The following L3MBTL4 variants were observed in gnomAD, a reference collection of about 807,000 sequenced individuals.
L3MBTL4 encodes L3MBTL histone methyl-lysine binding protein 4, also known as lethal(3)malignant brain tumor-like protein 4.
Under a neutral mutation model 84.5 loss-of-function variants are expected in L3MBTL4, and 70 were observed. That is an observed-to-expected ratio of 0.83 (90% CI 0.68 to 1.01). L3MBTL4 has a LOEUF of 1.01. Among genes scored for constraint, L3MBTL4 ranks in the 50% least tolerant of loss-of-function variants. L3MBTL4 has a pLI of 0.00. For synonymous variants in L3MBTL4, 274 were observed against 259.8 expected (o/e 1.05, Z -0.52); for missense variants, 715 against 754.8 (o/e 0.95, Z 0.62).
intron 13 of L3MBTL4, among the ~76,000 whole-genome samples, chr18:6,140,360 C>T (rs570096174): frequency 5.9e-5 from 9 of 152,290 alleles, no homozygotes; most frequent in Non-Finnish European, 8.8e-5. Context: ...GGCTGTGGCG[C>T]GAAGGTGGGA....
At chr18:6,200,127 G>T (rs1041484625) in intron 12 of L3MBTL4, among the ~76,000 whole-genome samples, 1 of 152,246 alleles carries the variant, frequency 6.6e-6, no homozygotes, top group African/African-American at 2.4e-5. Flanking sequence ...GAAGGCAGCA[G>T]CAAAGCACAG....
chr18:6,391,557 A>G (rs1472986329), intron 1 of L3MBTL4, among the ~76,000 whole-genome samples: 2 of 152,136 alleles, frequency 1.3e-5, no homozygotes, highest in African/African-American at 2.4e-5. Context: ...CTGTTCACCT[A>G]TGATATGATC....
At chr18:6,060,700 G>T (rs116223925) in intron 16 of L3MBTL4, among the ~76,000 whole-genome samples, 1,645 of 152,138 alleles carry the variant, frequency 0.011, 34 homozygotes, top group African/African-American at 0.037. Context: ...TGCTATCTCT[G>T]TAGCTTTGTC....
At chr18:6,291,010 A>G (rs2049841438) in intron 4 of L3MBTL4, among the ~76,000 whole-genome samples, 1 of 152,192 alleles carries the variant, frequency 6.6e-6, no homozygotes. Flanking sequence ...GGCCACACAG[A>G]AAGTTCACCA....
chr18:6,382,575 C>T (rs894952258), intron 1 of L3MBTL4, among the ~76,000 whole-genome samples: 1 of 152,214 alleles, frequency 6.6e-6, no homozygotes, highest in African/African-American at 2.4e-5. Flanking sequence ...GGCCCCTCTG[C>T]TGCAGGTCTG....
chr18:6,271,968 G>A (rs2048890415), intron 4 of L3MBTL4, among the ~76,000 whole-genome samples: 2 of 152,234 alleles, frequency 1.3e-5, no homozygotes, highest in Admixed American at 6.5e-5. Flanking sequence ...AGAGGTCAAA[G>A]CGTGAAAGGA....
intron 16 of L3MBTL4, among the ~76,000 whole-genome samples, chr18:6,077,591 C>T (rs1246058882): frequency 6.6e-6 from 1 of 151,748 alleles, no homozygotes; most frequent in African/African-American, 2.4e-5. Flanking sequence ...AAATGGAAAA[C>T]ATGCCCAAGA....
intron 1 of L3MBTL4, among the ~76,000 whole-genome samples, chr18:6,362,512 C>A (rs2053752686): frequency 6.6e-6 from 1 of 152,140 alleles, no homozygotes; most frequent in South Asian, 2.1e-4. Context: ...AGGATGGCTA[C>A]CTTCATTTAT....
At chr18:6,054,947 A>G (rs1368390099) in intron 16 of L3MBTL4, among the ~76,000 whole-genome samples, 1 of 152,184 alleles carries the variant, frequency 6.6e-6, no homozygotes, top group African/African-American at 2.4e-5. Flanking sequence ...GTTATTCCAC[A>G]TGAATCCACT....
At chr18:6,163,611 C>T (rs2043477333) in intron 13 of L3MBTL4, among the ~76,000 whole-genome samples, 2 of 152,110 alleles carry the variant, frequency 1.3e-5, no homozygotes, top group Non-Finnish European at 2.9e-5. Flanking sequence ...ACTGTAATTA[C>T]CTGTCTGTGA....
chr18:6,330,486 T>A (rs908009541), intron 1 of L3MBTL4, among the ~76,000 whole-genome samples: 1 of 152,242 alleles, frequency 6.6e-6, no homozygotes, highest in Admixed American at 6.5e-5. Flanking sequence ...TCTTAGGATA[T>A]GTCACCCAGA....
chr18:6,356,067 T>A (rs2053431694), intron 1 of L3MBTL4, among the ~76,000 whole-genome samples: 1 of 152,204 alleles, frequency 6.6e-6, no homozygotes, highest in South Asian at 2.1e-4. Flanking sequence ...ACAGCAATGA[T>A]GCCGTCAGCT....
At chr18:6,007,703 C>T (rs933387579) in intron 16 of L3MBTL4, among the ~76,000 whole-genome samples, 10 of 152,158 alleles carry the variant, frequency 6.6e-5, no homozygotes, top group African/African-American at 2.4e-4. Context: ...AATACCCAAA[C>T]GTCCACAGTG....
At chr18:6,148,784 C>T (rs959384962) in intron 13 of L3MBTL4, among the ~76,000 whole-genome samples, 3 of 151,734 alleles carry the variant, frequency 2.0e-5, no homozygotes, top group African/African-American at 7.3e-5. Flanking sequence ...TTGGCATACA[C>T]AAAAAAATGT....
At chr18:6,180,773 A>G (rs953253756) in intron 12 of L3MBTL4, among the ~76,000 whole-genome samples, 2 of 152,198 alleles carry the variant, frequency 1.3e-5, no homozygotes, top group African/African-American at 2.4e-5. Context: ...GAAGGTCAAA[A>G]TCTGTATTTT....
chr18:6,387,190 G>A (rs1263107291), intron 1 of L3MBTL4, among the ~76,000 whole-genome samples: 2 of 152,146 alleles, frequency 1.3e-5, no homozygotes, highest in Non-Finnish European at 2.9e-5. Context: ...CCAAATTGAG[G>A]TCTGGGAACC....
intron 16 of L3MBTL4, among the ~76,000 whole-genome samples, chr18:6,050,545 A>G (rs1397036214): frequency 6.6e-6 from 1 of 152,194 alleles, no homozygotes; most frequent in Non-Finnish European, 1.5e-5. Flanking sequence ...AATAATTTCT[A>G]AAGTATATAG....
At chr18:6,190,911 G>A (rs1371506546) in intron 12 of L3MBTL4, among the ~76,000 whole-genome samples, 1 of 152,160 alleles carries the variant, frequency 6.6e-6, no homozygotes, top group Non-Finnish European at 1.5e-5. Context: ...AGATCCTGAG[G>A]TAGCAGTCCA....
At chr18:6,375,202 T>G (rs1171346811) in intron 1 of L3MBTL4, among the ~76,000 whole-genome samples, 1 of 151,798 alleles carries the variant, frequency 6.6e-6, no homozygotes, top group Non-Finnish European at 1.5e-5. Context: ...CTTTATACCT[T>G]CCAAACTTAC....
Sources: allele counts gnomAD v4.1 joint callset (sites outside exome capture counted in the v4.1 genomes callset), GRCh38; gene constraint gnomAD v4.1.1; transcripts MANE v1.5; gene names NCBI Gene and HGNC (gene_info 2026-07-23, HGNC 2026-07-21).